CARHSP1: variants seen among roughly 807,000 people sequenced by gnomAD.
CARHSP1 encodes the protein calcium-regulated heat-stable protein 1.
In CARHSP1, 14 loss-of-function variants were observed where a neutral mutation model predicts 12.5. The observed-to-expected ratio is 1.12, with a 90% CI of 0.74 to 1.75. The LOEUF is 1.75. CARHSP1 is among the 40% of genes most tolerant of loss of function. CARHSP1 has a pLI of 0.00. For synonymous variants in CARHSP1, 161 were observed against 82.0 expected, an observed-to-expected ratio of 1.96 and a Z score of -5.20; for missense variants, 343 against 201.6, an observed-to-expected ratio of 1.70 and a Z score of -4.25.
chr16:8,856,113 G>A (rs1657068), intron 3 of CARHSP1, among the ~76,000 whole-genome samples: 148,558 of 152,318 alleles, frequency 0.98, 72,547 homozygotes, highest in Middle Eastern at 1. Context: ...CTGGACTCCC[G>A]GTGAGCCTTC....
At chr16:8,861,418 C>A (rs569745738) in intron 1 of CARHSP1, among the ~76,000 whole-genome samples, 1 of 151,448 alleles carries the variant, frequency 6.6e-6, no homozygotes, top group East Asian at 2.0e-4. Context: ...CTCAGTTTGC[C>A]CCCCCAGTCC....
In CARHSP1 at chr16:8,854,648, C is replaced by G. The variant is rs2061039453; in HGVS notation, c.*516G>C. The G allele has an allele frequency of 6.5e-6, 1 of 152,820 alleles. No individual in the cohort carries two copies. Among genetic ancestry groups the G allele is most frequent in the East Asian group, 1.9e-4 (1 of 5,194 alleles). 9.5% of individuals were successfully genotyped at this position (152,820 alleles called of 1,614,324 possible). A position where few individuals can be genotyped will look rare whatever the true frequency, so the allele number is the denominator to read the frequency against. ...TCAAGCCAGCTCCCCTAGAACCAAC[C>G]AAGCCAAGAATTAGAAAACTGCTTT... On this transcript the variant is annotated 3_prime_UTR_variant, in exon 4 of 4. Coordinates refer to ENST00000311052, the MANE Select transcript of CARHSP1 (RefSeq NM_014316.4).
intron 1 of CARHSP1, among the ~76,000 whole-genome samples, chr16:8,866,750 C>G (rs1302939963): frequency 8.3e-5 from 10 of 120,858 alleles, no homozygotes; most frequent in Non-Finnish European, 1.8e-4. Flanking sequence ...GGGGGAGGGA[C>G]GGGAGGCAAA....
chr16:8,855,132 A>G lies in CARHSP1; in HGVS notation c.*32T>C, dbSNP rs527493893. 1.3e-6 allele frequency: 2 copies of G among 1,489,550 alleles called. No individual in the cohort carries two copies. The highest frequency in any genetic ancestry group is 1.4e-5 in the African/African-American group (1 of 70,656). The allele number at this position is 1,489,550 out of a possible 1,614,324, so 92.3% of individuals were successfully genotyped here. A position where few individuals can be genotyped will look rare whatever the true frequency, so the allele number is the denominator to read the frequency against. ...GCCTCCTCCCTGCAAAGTCTCCCAC[A>G]AGCACAGGACAAGGGGTGCTTCCAC... On this transcript the variant is annotated 3_prime_UTR_variant, in exon 4 of 4. Coordinates refer to ENST00000311052, the MANE Select transcript of CARHSP1 (RefSeq NM_014316.4).
intron 1 of CARHSP1, among the ~76,000 whole-genome samples, chr16:8,866,211 C>T (rs2061452316): frequency 6.6e-6 from 1 of 152,224 alleles, no homozygotes; most frequent in South Asian, 2.1e-4. Flanking sequence ...ACCCCGGCCT[C>T]CCAAAGTGCT....
intron 1 of CARHSP1, among the ~76,000 whole-genome samples, chr16:8,860,893 A>G (rs564576785): frequency 4.6e-5 from 7 of 151,628 alleles, no homozygotes; most frequent in African/African-American, 1.7e-4. Flanking sequence ...TCTACTAAAA[A>G]TACAAAATTA....
chr16:8,860,584 G>C (rs1209460384), intron 1 of CARHSP1: 1 of 922,988 alleles, frequency 1.1e-6, no homozygotes, highest in Non-Finnish European at 1.3e-6. Flanking sequence ...CTGCAAAGTG[G>C]GGCAGCTGGG....
intron 1 of CARHSP1, among the ~76,000 whole-genome samples, chr16:8,865,750 A>G (rs1224012114): frequency 5.9e-5 from 9 of 152,354 alleles, no homozygotes; most frequent in African/African-American, 2.2e-4. Context: ...TTGGGGGATT[A>G]CAAACATCAA....
chr16:8,860,910 C>T (rs550109248), intron 1 of CARHSP1, among the ~76,000 whole-genome samples: 1 of 151,414 alleles, frequency 6.6e-6, no homozygotes, highest in East Asian at 2.0e-4. Flanking sequence ...ATTAGCTGGG[C>T]GTGGTGGTGG....
chr16:8,855,319 C>T lies in CARHSP1; in HGVS notation c.289G>A (p.Gly97Arg). 1 of 1,601,386 alleles carries T rather than the reference C, an allele frequency of 6.2e-7. No individual in the cohort carries two copies. Among genetic ancestry groups the T allele is most frequent in the Non-Finnish European group, 8.5e-7 (1 of 1,172,452 alleles). Residue 97 changes from glycine (G) to arginine (R), a missense_variant, in exon 4 of 4, where the codon GGG becomes AGG. Coordinates refer to ENST00000311052, the MANE Select transcript of CARHSP1 (RefSeq NM_014316.4). ...DIFLHISDVE[G>R]EYVPVEGDEV... is the part of the protein sequence containing the mutation. ...TCGCCTTCCACTGGGACATACTCCC[C>T]TTCCACACTACGGGGGCATAAATAA...
At chr16:8,863,038 T>C (rs2061394230) in intron 1 of CARHSP1, among the ~76,000 whole-genome samples, 2 of 148,956 alleles carry the variant, frequency 1.3e-5, no homozygotes, top group South Asian at 4.3e-4. Flanking sequence ...GGCCCCTCTG[T>C]GTCCCAAGGG....
chr16:8,858,043 G>A (rs1458659570), intron 3 of CARHSP1: 9 of 324,970 alleles, frequency 2.8e-5, no homozygotes, highest in South Asian at 1.9e-4. Flanking sequence ...GATTACAGGC[G>A]TGAGCCACCA....
chr16:8,861,517 G>C (rs376661206), intron 1 of CARHSP1: 5 of 1,008,888 alleles, frequency 5.0e-6, no homozygotes, highest in Non-Finnish European at 6.7e-6. Context: ...CCAAGAACCA[G>C]GCCCGACTGC....
intron 1 of CARHSP1, among the ~76,000 whole-genome samples, chr16:8,864,483 A>G (rs2061422986): frequency 6.6e-6 from 1 of 152,232 alleles, no homozygotes; most frequent in Admixed American, 6.5e-5. Context: ...AGCCCAGCTC[A>G]TTCTATCCCC....
intron 1 of CARHSP1, among the ~76,000 whole-genome samples, chr16:8,862,874 C>T (rs1371427412): frequency 6.6e-6 from 1 of 152,118 alleles, no homozygotes; most frequent in Non-Finnish European, 1.5e-5. Context: ...ATTTGTCACA[C>T]CCATTTTCCC....
intron 3 of CARHSP1, chr16:8,857,759 A>ATTATTTTTTTTT (rs1567181968): frequency 8.6e-6 from 1 of 116,468 alleles, no homozygotes; most frequent in East Asian, 2.5e-4. Flanking sequence ...CCTGCTCATT[A>ATTATTTTTTTTT]TTTTTTTTTT....
Position 8,855,122 on chromosome 16 carries a change from A to G in CARHSP1, c.*42T>C. 6.9e-7 allele frequency: 1 copy of G among 1,447,960 alleles called. No individual in the cohort carries two copies. The highest frequency in any genetic ancestry group is 9.2e-7 in the Non-Finnish European group (1 of 1,086,298). The allele number at this position is 1,447,960 out of a possible 1,614,324, so 89.7% of individuals were successfully genotyped here. On this transcript the variant is annotated 3_prime_UTR_variant, in exon 4 of 4. Coordinates refer to ENST00000311052, the MANE Select transcript of CARHSP1 (RefSeq NM_014316.4). ...AGTGTCTGCTGCCTCCTCCCTGCAA[A>G]GTCTCCCACAAGCACAGGACAAGGG...
At position 8,866,703 on chromosome 16, in the gene CARHSP1, G is replaced by T. The variant is rs1296695750; in HGVS notation, c.-8+2263C>A. On this transcript the variant is annotated intron_variant, in intron 1 of 3. Coordinates refer to ENST00000311052, the MANE Select transcript of CARHSP1 (RefSeq NM_014316.4). Reference sequence around the variant, plus strand: ...CGAGGGAGGAGCAGAGAGAGAGGAGGGGGAGGGACACGAAGGGATGGGGGT... The same window carrying T: ...CGAGGGAGGAGCAGAGAGAGAGGAGTGGGAGGGACACGAAGGGATGGGGGT... Among the ~76,000 whole-genome samples, 7 of 151,798 alleles carry T rather than the reference G, an allele frequency of 4.6e-5. No individual in the cohort carries two copies. In the South Asian group the frequency reaches 1.5e-3, roughly 32 times the overall value.
chr16:8,867,037 G>C (rs1019700904), intron 1 of CARHSP1, among the ~76,000 whole-genome samples: 2 of 152,076 alleles, frequency 1.3e-5, no homozygotes, highest in African/African-American at 4.8e-5. Context: ...ACCCCTGGAC[G>C]GCCTCGACCG....
Sources: gnomAD v4.1 joint callset for allele counts (sites outside exome capture counted in the v4.1 genomes callset) on GRCh38, gnomAD v4.1.1 for gene constraint, MANE v1.5 for transcripts, NCBI Gene and HGNC (gene_info 2026-07-23, HGNC 2026-07-21) for gene names.